The following CNTN1 variants were observed in gnomAD, a reference collection of about 807,000 sequenced individuals.
CNTN1 encodes contactin 1, also known as contactin-1.
A neutral mutation model predicts 126.4 loss-of-function variants in CNTN1; 38 were observed. The ratio of observed to expected loss-of-function variants is 0.30; its 90% CI spans 0.23 to 0.39. The LOEUF (loss-of-function observed/expected upper bound fraction) is 0.39. CNTN1 is among the 10% of genes least tolerant of loss of function. The pLI is 1.00. For synonymous variants in CNTN1, 413 were observed against 422.6 expected (o/e 0.98, Z 0.28); for missense variants, 1,009 against 1,248.4 (o/e 0.81, Z 2.89).
intron 23 of CNTN1, among the ~76,000 whole-genome samples, chr12:41,037,318 T>A (rs1433127752): frequency 6.6e-6 from 1 of 152,152 alleles, no homozygotes; most frequent in Non-Finnish European, 1.5e-5. Context: ...ATGTACCACA[T>A]ATAAGATGGT....
intron 17 of CNTN1, among the ~76,000 whole-genome samples, chr12:40,993,574 C>T (rs192934534): frequency 1.3e-4 from 20 of 151,994 alleles, no homozygotes; most frequent in Non-Finnish European, 7.4e-5. Context: ...ATTGGAATGA[C>T]GTAAGTATTT....
chr12:40,966,403 G>T (rs1314496951), intron 15 of CNTN1, among the ~76,000 whole-genome samples: 1 of 152,018 alleles, frequency 6.6e-6, no homozygotes, highest in Non-Finnish European at 1.5e-5. Flanking sequence ...AGCAAAACCT[G>T]CCTAGAAATT....
At chr12:40,740,348 A>T (rs1462980177) in intron 1 of CNTN1, among the ~76,000 whole-genome samples, 1 of 152,028 alleles carries the variant, frequency 6.6e-6, no homozygotes, top group Admixed American at 6.6e-5. Context: ...TTTTGCCCCA[A>T]TTCAGATTTA....
intron 2 of CNTN1, 28 bp downstream of exon 2, chr12:40,908,521 A>T (rs1428692261): frequency 2.0e-6 from 3 of 1,467,218 alleles, no homozygotes; most frequent in Non-Finnish European, 2.9e-6. Flanking sequence ...TATATTCTAC[A>T]TATATTATGT....
At chr12:41,052,341 C>T (rs1398518666) in intron 23 of CNTN1, among the ~76,000 whole-genome samples, 1 of 152,126 alleles carries the variant, frequency 6.6e-6, no homozygotes, top group Non-Finnish European at 1.5e-5. Flanking sequence ...GCCAAATCTG[C>T]TACATGCCTA....
At position 40,918,728 on chromosome 12, in the gene CNTN1, T is replaced by G. The variant is rs1477303120; in HGVS notation, c.184T>G (p.Ser62Ala). ...YPEESLEGKV[S>A]LNCRARASPF... The stretch of plus-strand genomic sequence containing the variant: ...AGAGGAATCACTGGAAGGAAAAGTC[T>G]CACTCAACTGTAGGGCACGAGCCAG... The change falls in exon 4 of 24, where the codon TCA (serine) becomes GCA (alanine). Residue 62 changes from serine (S) to alanine (A), a missense_variant. Ser to Ala is a moderately conservative substitution (Grantham distance 99). Transcript: ENST00000551295. 3 of 1,613,662 alleles carry G rather than the reference T, an allele frequency of 1.9e-6. No homozygotes were observed. Among genetic ancestry groups the G allele is most frequent in the Non-Finnish European group, 2.5e-6 (3 of 1,179,734 alleles).
At chr12:41,025,125 T>C in intron 20 of CNTN1, 25 bp from the exon 21 acceptor site, 5 of 1,612,720 alleles carry the variant, frequency 3.1e-6, no homozygotes, top group Non-Finnish European at 4.2e-6. Flanking sequence ...CATGGCAAAA[T>C]ATAACTCATC....
At chr12:40,964,462 A>T (rs73113204) in intron 15 of CNTN1, among the ~76,000 whole-genome samples, 48 of 152,026 alleles carry the variant, frequency 3.2e-4, no homozygotes, top group Non-Finnish European at 5.9e-4. Context: ...ACATTATTAC[A>T]TTAGAAGCTT....
chr12:40,848,764 T>C (rs1942608068), intron 1 of CNTN1, among the ~76,000 whole-genome samples: 1 of 151,850 alleles, frequency 6.6e-6, no homozygotes, highest in Non-Finnish European at 1.5e-5. Flanking sequence ...GAAGTTGTAC[T>C]GTACTGAGTT....
chr12:40,758,297 A>T (rs1938691418), intron 1 of CNTN1, among the ~76,000 whole-genome samples: 1 of 151,754 alleles, frequency 6.6e-6, no homozygotes, highest in Non-Finnish European at 1.5e-5. Flanking sequence ...GTTCAAAACA[A>T]AGTGTTTTTT....
intron 1 of CNTN1, among the ~76,000 whole-genome samples, chr12:40,863,408 A>T (rs1943180359): frequency 1.3e-5 from 2 of 152,228 alleles, no homozygotes; most frequent in African/African-American, 4.8e-5. Flanking sequence ...AATTGTATTA[A>T]CAAATATCCA....
chr12:40,807,023 A>G (rs1468365404), intron 1 of CNTN1, among the ~76,000 whole-genome samples: 1 of 152,158 alleles, frequency 6.6e-6, no homozygotes, highest in Non-Finnish European at 1.5e-5. Context: ...ATATTGATGT[A>G]GAGCAGCCAC....
At chr12:40,967,917 A>G (rs992259285) in intron 15 of CNTN1, among the ~76,000 whole-genome samples, 3 of 150,734 alleles carry the variant, frequency 2.0e-5, no homozygotes, top group Non-Finnish European at 4.4e-5. Context: ...TAATGACAGA[A>G]TGTAACTACA....
intron 23 of CNTN1, among the ~76,000 whole-genome samples, chr12:41,067,348 G>A (rs1197635122): frequency 2.0e-5 from 3 of 151,914 alleles, no homozygotes; most frequent in African/African-American, 7.3e-5. Flanking sequence ...AATTTCTTTC[G>A]AGCAGCCACA....
chr12:40,805,515 G>T (rs1213731564), intron 1 of CNTN1, among the ~76,000 whole-genome samples: 1 of 151,884 alleles, frequency 6.6e-6, no homozygotes, highest in Non-Finnish European at 1.5e-5. Context: ...ACTTCCATTT[G>T]ACTGTTACTT....
At chr12:41,065,469 A>G (rs753422509) in intron 23 of CNTN1, among the ~76,000 whole-genome samples, 15 of 152,232 alleles carry the variant, frequency 9.9e-5, no homozygotes, top group Non-Finnish European at 1.6e-4. Flanking sequence ...GACTGGATGT[A>G]GCAAGGAAAC....
intron 1 of CNTN1, among the ~76,000 whole-genome samples, chr12:40,807,924 T>C (rs1940917797): frequency 6.6e-6 from 1 of 152,210 alleles, no homozygotes; most frequent in South Asian, 2.1e-4. Context: ...GTTCAAAGCA[T>C]ATTTATAGCT....
intron 4 of CNTN1, among the ~76,000 whole-genome samples, chr12:40,919,030 A>G (rs1263699638): frequency 6.6e-6 from 1 of 152,322 alleles, no homozygotes; most frequent in East Asian, 1.9e-4. Flanking sequence ...TATAAATTGT[A>G]TAATGGAAAT....
At chr12:40,797,284 G>A (rs1274263128) in intron 1 of CNTN1, among the ~76,000 whole-genome samples, 1 of 152,106 alleles carries the variant, frequency 6.6e-6, no homozygotes, top group Non-Finnish European at 1.5e-5. Context: ...GAGTATCACA[G>A]GACACCTAAC....
Sources: allele counts gnomAD v4.1 joint callset (sites outside exome capture counted in the v4.1 genomes callset), GRCh38; gene constraint gnomAD v4.1.1; transcripts MANE v1.5; gene names NCBI Gene and HGNC (gene_info 2026-07-23, HGNC 2026-07-21).